The following NOL4 variants were observed in gnomAD, a reference collection of about 807,000 sequenced individuals.
NOL4 encodes nucleolar protein 4.
Under a neutral mutation model 75.9 loss-of-function variants are expected in NOL4, and 17 were observed. The observed-to-expected ratio is 0.22, with a 90% confidence interval of 0.15 to 0.34. NOL4 has a LOEUF of 0.34. Ranked by LOEUF, NOL4 falls within the 10% of genes least tolerant of loss-of-function variation. The pLI is 1.00. For synonymous variants in NOL4, 292 were observed against 289.9 expected, an observed-to-expected ratio of 1.01 and a Z score of -0.07; for missense variants, 614 against 793.5, an observed-to-expected ratio of 0.77 and a Z score of 2.72.
chr18:33,972,886 C>A (rs569620178), intron 6 of NOL4, among the ~76,000 whole-genome samples: 42 of 152,286 alleles, frequency 2.8e-4, no homozygotes, highest in African/African-American at 1.0e-3. Flanking sequence ...GGAAGAAGGT[C>A]TTGCCCCCAT....
At chr18:34,061,656 G>A (rs747656914) in intron 5 of NOL4, among the ~76,000 whole-genome samples, 3 of 152,052 alleles carry the variant, frequency 2.0e-5, no homozygotes, top group Non-Finnish European at 2.9e-5. Flanking sequence ...TTCCACACTG[G>A]TGGAGTAATA....
At chr18:33,877,971 G>C (rs1242826318) in intron 10 of NOL4, among the ~76,000 whole-genome samples, 1 of 151,978 alleles carries the variant, frequency 6.6e-6, no homozygotes, top group Non-Finnish European at 1.5e-5. Flanking sequence ...AGGAGAGAGT[G>C]GGGGAGAAGC....
intron 6 of NOL4, among the ~76,000 whole-genome samples, chr18:33,967,878 G>A (rs1385230295): frequency 6.6e-6 from 1 of 152,088 alleles, no homozygotes; most frequent in African/African-American, 2.4e-5. Context: ...ACAAGATTAG[G>A]AATTTGAGAC....
intron 6 of NOL4, among the ~76,000 whole-genome samples, chr18:33,989,190 CAAAAAAAAAAAAAA>C (rs55924436): frequency 3.1e-5 from 2 of 65,102 alleles, no homozygotes; most frequent in South Asian, 8.5e-4. Context: ...CCCATCTCTA[CAAAAAAAAAAAAAA>C]AAAAAAAAAA....
intron 3 of NOL4, 121 bp from the exon 4 acceptor site, chr18:34,104,280 T>C (rs2079168821): frequency 1.5e-6 from 1 of 647,314 alleles, no homozygotes; most frequent in South Asian, 1.8e-5. Context: ...TAAAGCATGG[T>C]AGCATTATAG....
Position 34,199,784 on chromosome 18 carries a change from A to T in NOL4, c.264+23206T>A, listed in dbSNP as rs111611368. On this transcript the variant is annotated intron_variant, in intron 1 of 10. Transcript: ENST00000261592. ...GTGATATCAGTGAATTCTAGGAGGT[A>T]GGAAGAGGGATTTCTACAATCAGAA... is the stretch of plus-strand genomic sequence containing the variant. 4.8e-3 allele frequency among the ~76,000 whole-genome samples: 723 copies of T among 152,002 alleles called. 8 individuals are homozygous for T. Among genetic ancestry groups the T allele is most frequent in the African/African-American group, 0.017 (708 of 41,558 alleles).
At chr18:34,204,890 A>C (rs1568448224) in intron 1 of NOL4, among the ~76,000 whole-genome samples, 1 of 152,178 alleles carries the variant, frequency 6.6e-6, no homozygotes, top group Non-Finnish European at 1.5e-5. Flanking sequence ...AAATGTACTC[A>C]TTTAATCATC....
intron 6 of NOL4, among the ~76,000 whole-genome samples, chr18:34,011,973 G>A (rs1431165568): frequency 6.6e-6 from 1 of 151,828 alleles, no homozygotes; most frequent in Non-Finnish European, 1.5e-5. Flanking sequence ...ACTTTTCAAG[G>A]CATAAATTAT....
At chr18:34,013,560 T>C (rs558985244) in intron 6 of NOL4, among the ~76,000 whole-genome samples, 1 of 152,060 alleles carries the variant, frequency 6.6e-6, no homozygotes, top group South Asian at 2.1e-4. Flanking sequence ...ATCATCATCT[T>C]CCATCTTCAG....
chr18:34,134,628 T>C (rs897471472), intron 1 of NOL4, among the ~76,000 whole-genome samples: 5 of 151,816 alleles, frequency 3.3e-5, no homozygotes, highest in Admixed American at 3.3e-4. Context: ...ACTTGAACAA[T>C]ACTTAAAATT....
intron 1 of NOL4, among the ~76,000 whole-genome samples, chr18:34,220,399 C>A (rs551166073): frequency 6.6e-6 from 1 of 152,306 alleles, no homozygotes; most frequent in South Asian, 2.1e-4. Flanking sequence ...AACCCTCAAA[C>A]CTCAAGCAGC....
chr18:33,902,166 A>G (rs576660232), intron 9 of NOL4, among the ~76,000 whole-genome samples: 2 of 151,778 alleles, frequency 1.3e-5, no homozygotes, highest in Admixed American at 6.6e-5. Flanking sequence ...TTTTTTTTTT[A>G]AAAGGGAATT....
chr18:34,034,063 C>T (rs1193141033), intron 5 of NOL4, among the ~76,000 whole-genome samples: 5 of 152,056 alleles, frequency 3.3e-5, no homozygotes, highest in Non-Finnish European at 5.9e-5. Context: ...AACCCAAAAG[C>T]GAAAGGACAG....
intron 9 of NOL4, among the ~76,000 whole-genome samples, chr18:33,895,282 A>G (rs764652049): frequency 1.3e-5 from 2 of 152,138 alleles, no homozygotes; most frequent in East Asian, 1.9e-4. Flanking sequence ...ATGCAAAGTC[A>G]TCTACTCTTA....
chr18:34,144,551 G>C (rs2081322474), intron 1 of NOL4, among the ~76,000 whole-genome samples: 1 of 152,102 alleles, frequency 6.6e-6, no homozygotes, highest in Non-Finnish European at 1.5e-5. Context: ...AATCGAGTTA[G>C]TGATAGCAAG....
In NOL4 at chr18:34,223,273, T is replaced by C. The variant is rs1197212464; in HGVS notation, c.-20A>G. 2 of 1,610,476 alleles carry C rather than the reference T, an allele frequency of 1.2e-6. No individual in the cohort carries two copies. Among genetic ancestry groups the C allele is most frequent in the Non-Finnish European group, 1.7e-6 (2 of 1,179,138 alleles). On this transcript the variant is annotated 5_prime_UTR_variant, in exon 1 of 11. Transcript: ENST00000261592. ...CTCCATGTTCCCCGCGCTCGGCCGCTGGCCGGATGCTCCCAGCGCACTTCG... is the reference window on the plus strand; with the variant it reads ...CTCCATGTTCCCCGCGCTCGGCCGCCGGCCGGATGCTCCCAGCGCACTTCG...
In NOL4 at chr18:34,083,100, GTCTT is replaced by G. The variant is rs750619349; in HGVS notation, c.772+10361_772+10364del. Among the ~76,000 whole-genome samples the G allele has an allele frequency of 4.5e-3, 622 of 138,862 alleles. 3 individuals carry two copies. The highest frequency in any genetic ancestry group is 0.015 in the African/African-American group (591 of 40,132). 91.1% of individuals were successfully genotyped at this position (138,862 alleles called of 152,430 possible). On this transcript the variant is annotated intron_variant, in intron 5 of 10. Coordinates refer to ENST00000261592, the MANE Select transcript of NOL4 (RefSeq NM_003787.5). ...CAGCTAAATTTTGCTCTCTCTCTCT[GTCTT>G]TATATATACACATACCCATACATAT...
chr18:33,941,391 A>G (rs115088597), intron 9 of NOL4, among the ~76,000 whole-genome samples: 4 of 151,986 alleles, frequency 2.6e-5, no homozygotes, highest in Admixed American at 2.6e-4. Flanking sequence ...GTATAGCTAG[A>G]CAACAACCAG....
At chr18:34,014,214 T>A (rs2146357550) in intron 6 of NOL4, among the ~76,000 whole-genome samples, 1 of 151,868 alleles carries the variant, frequency 6.6e-6, no homozygotes. Flanking sequence ...TGGTAAAAAA[T>A]TAAAGATTAA....
Sources: gnomAD v4.1 joint callset for allele counts (sites outside exome capture counted in the v4.1 genomes callset) on GRCh38, gnomAD v4.1.1 for gene constraint, MANE v1.5 for transcripts, NCBI Gene and HGNC (gene_info 2026-07-23, HGNC 2026-07-21) for gene names.